Variants in DLGAP2 observed in about 807,000 individuals in gnomAD.
DLGAP2 encodes disks large-associated protein 2.
A neutral mutation model predicts 100.3 loss-of-function variants in DLGAP2; 26 were observed. The ratio of observed to expected loss-of-function variants is 0.26; its 90% confidence interval spans 0.19 to 0.36. DLGAP2 has a LOEUF of 0.36. DLGAP2 is among the 10% of genes least tolerant of loss of function. The pLI, the probability that DLGAP2 is intolerant of heterozygous loss-of-function variation, is 1.00. For synonymous variants in DLGAP2, 886 were observed against 630.1 expected (o/e 1.41, Z -6.08); for missense variants, 1,858 against 1,453.2 (o/e 1.28, Z -4.53).
At chr8:846,612 C>G (rs1291751810) in intron 1 of DLGAP2, among the ~76,000 whole-genome samples, 2 of 152,174 alleles carry the variant, frequency 1.3e-5, no homozygotes, top group African/African-American at 4.8e-5. Flanking sequence ...GTGCAGAGAT[C>G]TCTTTGACAC....
At chr8:1,577,966 C>G (rs1195705167) in intron 6 of DLGAP2, among the ~76,000 whole-genome samples, 2 of 152,256 alleles carry the variant, frequency 1.3e-5, no homozygotes, top group Non-Finnish European at 2.9e-5. Flanking sequence ...TTAATGTAAT[C>G]TGATAACGTT....
At chr8:1,085,244 T>TA (rs1477614699) in intron 2 of DLGAP2, among the ~76,000 whole-genome samples, 5 of 152,238 alleles carry the variant, frequency 3.3e-5, no homozygotes, top group African/African-American at 1.2e-4. Flanking sequence ...TTTGAGTTCT[T>TA]ACATATTTTG....
At chr8:1,299,377 T>G (rs1800275432) in intron 3 of DLGAP2, among the ~76,000 whole-genome samples, 2 of 152,188 alleles carry the variant, frequency 1.3e-5, no homozygotes, top group African/African-American at 4.8e-5. Flanking sequence ...TGGAAACAGA[T>G]TCTCATGGCC....
intron 1 of DLGAP2, among the ~76,000 whole-genome samples, chr8:897,469 C>A (rs1798165039): frequency 6.6e-6 from 1 of 152,220 alleles, no homozygotes; most frequent in South Asian, 2.1e-4. Context: ...GATGCTTCCT[C>A]ACAGTTGTAA....
At chr8:1,435,419 C>A (rs1024113752) in intron 3 of DLGAP2, among the ~76,000 whole-genome samples, 1 of 152,114 alleles carries the variant, frequency 6.6e-6, no homozygotes, top group South Asian at 2.1e-4. Flanking sequence ...TTATCATCAG[C>A]TGGAAGACTC....
At chr8:840,677 G>A (rs1466831592) in intron 1 of DLGAP2, among the ~76,000 whole-genome samples, 1 of 134,514 alleles carries the variant, frequency 7.4e-6, no homozygotes, top group African/African-American at 2.7e-5. Context: ...GCGTCCACAC[G>A]GTGCACACCT....
At chr8:1,415,645 TTC>T (rs1367794419) in intron 3 of DLGAP2, among the ~76,000 whole-genome samples, 2 of 152,202 alleles carry the variant, frequency 1.3e-5, no homozygotes, top group Admixed American at 1.3e-4. Context: ...CGTGATTCCA[TTC>T]TCTCTTACGG....
intron 3 of DLGAP2, chr8:1,302,341 C>T (rs1477007970): frequency 6.6e-5 from 7 of 105,458 alleles, no homozygotes; most frequent in Non-Finnish European, 1.1e-4. Flanking sequence ...ACACCTGGGA[C>T]CGGACTCGGA....
chr8:998,900 C>G (rs1800862591), intron 2 of DLGAP2, among the ~76,000 whole-genome samples: 1 of 152,104 alleles, frequency 6.6e-6, no homozygotes, highest in African/African-American at 2.4e-5. Flanking sequence ...GCCTGGGTTT[C>G]TGTTTCCTGC....
intron 1 of DLGAP2, among the ~76,000 whole-genome samples, chr8:784,280 A>T (rs997370718): frequency 2.0e-5 from 3 of 152,254 alleles, no homozygotes; most frequent in African/African-American, 4.8e-5. Flanking sequence ...CAGTTTTATC[A>T]TCTAGAATCT....
intron 6 of DLGAP2, among the ~76,000 whole-genome samples, chr8:1,580,926 G>C (rs1013042929): frequency 1.4e-5 from 2 of 147,248 alleles, no homozygotes; most frequent in African/African-American, 2.5e-5. Flanking sequence ...TAAACTACCA[G>C]AAGTGAAGTA....
intron 3 of DLGAP2, among the ~76,000 whole-genome samples, chr8:1,425,710 C>T (rs577464389): frequency 6.6e-6 from 1 of 152,112 alleles, no homozygotes; most frequent in Non-Finnish European, 1.5e-5. Flanking sequence ...AGGGAACTGG[C>T]CCCTGTGGGC....
At chr8:1,197,162 C>T (rs544322627) in intron 2 of DLGAP2, among the ~76,000 whole-genome samples, 16 of 152,348 alleles carry the variant, frequency 1.1e-4, no homozygotes, top group African/African-American at 3.6e-4. Context: ...CAGGTCTCTT[C>T]TGGAAACGCC....
At chr8:1,195,820 A>T (rs1437937000) in intron 2 of DLGAP2, among the ~76,000 whole-genome samples, 1 of 152,202 alleles carries the variant, frequency 6.6e-6, no homozygotes, top group Non-Finnish European at 1.5e-5. Context: ...ACCTGCTCCG[A>T]GGCCTTGCAG....
intron 3 of DLGAP2, among the ~76,000 whole-genome samples, chr8:1,465,226 C>T (rs1798591813): frequency 6.6e-6 from 1 of 152,256 alleles, no homozygotes; most frequent in South Asian, 2.1e-4. Context: ...TGCAAGCCCC[C>T]CACACGTGGG....
intron 1 of DLGAP2, among the ~76,000 whole-genome samples, chr8:741,489 G>A (rs958664951): frequency 1.3e-5 from 2 of 152,168 alleles, no homozygotes; most frequent in African/African-American, 4.8e-5. Context: ...TCCAGGAGAG[G>A]GGCCTGGGTG....
chr8:831,203 G>A (rs1796775913), intron 1 of DLGAP2, among the ~76,000 whole-genome samples: 2 of 123,914 alleles, frequency 1.6e-5, no homozygotes, highest in Admixed American at 1.9e-4. Flanking sequence ...CGGTCCAGCA[G>A]TCACTTTTTT....
At chr8:1,039,230 G>T (rs1232055033) in intron 2 of DLGAP2, among the ~76,000 whole-genome samples, 1 of 149,954 alleles carries the variant, frequency 6.7e-6, no homozygotes, top group South Asian at 2.1e-4. Flanking sequence ...CTCGGTTTCC[G>T]TGGTCAGCTC....
chr8:1,507,132 G>A (rs1177576320), intron 4 of DLGAP2, among the ~76,000 whole-genome samples: 2 of 152,244 alleles, frequency 1.3e-5, no homozygotes, highest in Non-Finnish European at 2.9e-5. Context: ...TGGGGCCACG[G>A]GCAGAGCTGC....
Sources: allele counts gnomAD v4.1 joint callset (sites outside exome capture counted in the v4.1 genomes callset), GRCh38; gene constraint gnomAD v4.1.1; transcripts MANE v1.5; gene names NCBI Gene and HGNC (gene_info 2026-07-23, HGNC 2026-07-21).